AACS: variants seen among roughly 807,000 people sequenced by gnomAD.
AACS encodes acetoacetate-CoA ligase.
AACS carries 69 observed loss-of-function variants against 83.1 expected under a neutral mutation model. That is an observed-to-expected ratio of 0.83 (90% CI 0.68 to 1.01). The LOEUF (loss-of-function observed/expected upper bound fraction) is 1.01, where lower values mean the gene tolerates loss of function less well. AACS is among the 50% of genes least tolerant of loss of function. The pLI is 0.00. For missense variants in AACS, 866 were observed against 882.2 expected, an observed-to-expected ratio of 0.98 and a Z score of 0.23; for synonymous variants, 333 against 343.4, an observed-to-expected ratio of 0.97 and a Z score of 0.33.
chr12:125,078,800 G>T (rs768372486), intron 3 of AACS, among the ~76,000 whole-genome samples: 4 of 118,862 alleles, frequency 3.4e-5, no homozygotes, highest in Non-Finnish European at 6.5e-5. Context: ...CAGCCTGGGC[G>T]ACAGAGCAAG....
chr12:125,097,195 CTT>C lies in AACS; in HGVS notation c.571-5482_571-5481del, dbSNP rs1453277391. ...ACTCCTGGGGGGCACCATTTTGGGG[CTT>C]TCTGCAACCACCTCTGTGTAGCAGT... On this transcript the variant is annotated intron_variant, in intron 5 of 17. Transcript: ENST00000316519. The surrounding 1 kb of genome is among the most constrained non-coding windows in gnomAD (Gnocchi z 4.3). 6.6e-6 allele frequency among the ~76,000 whole-genome samples: 1 copy of C among 152,052 alleles called. No individual in the cohort carries two copies. The highest frequency in any genetic ancestry group is 1.5e-5 in the Non-Finnish European group (1 of 68,006).
At chr12:125,115,006 G>C (rs1165594284) in intron 9 of AACS, among the ~76,000 whole-genome samples, 1 of 152,202 alleles carries the variant, frequency 6.6e-6, no homozygotes, top group Non-Finnish European at 1.5e-5. Flanking sequence ...ACTGTGGTGA[G>C]GGCTTCCCCA....
rs1361342628 is a variant in AACS at position 125,073,872 on chromosome 12, T to G, written c.134-4T>G. ...AAGGTTAATCTGAGCTATTTCATTT[T>G]TAGAGAGTTATGATGACTTGTACCA... On this transcript the variant is annotated splice_polypyrimidine_tract_variant and splice_region_variant and intron_variant, in intron 1 of 17. Coordinates refer to ENST00000316519, the MANE Select transcript of AACS (RefSeq NM_023928.5). The G allele has an allele frequency of 2.5e-6, 4 of 1,610,190 alleles. No homozygotes were observed. The highest frequency in any genetic ancestry group is 2.5e-6 in the Non-Finnish European group (3 of 1,177,806).
intron 9 of AACS, among the ~76,000 whole-genome samples, chr12:125,115,261 T>G (rs1048049142): frequency 3.2e-5 from 4 of 126,972 alleles, no homozygotes; most frequent in Non-Finnish European, 5.2e-5. Context: ...CTGTGCTGAG[T>G]TTTTTTTTTT....
intron 3 of AACS, among the ~76,000 whole-genome samples, chr12:125,084,561 G>A (rs887361778): frequency 6.8e-6 from 1 of 147,726 alleles, no homozygotes; most frequent in Non-Finnish European, 1.5e-5. Flanking sequence ...ACACCACCAC[G>A]CCTGGCTAGT....
intron 16 of AACS, among the ~76,000 whole-genome samples, chr12:125,135,120 A>G (rs1054394256): frequency 2.7e-5 from 4 of 149,096 alleles, no homozygotes; most frequent in Admixed American, 2.7e-4. Flanking sequence ...TGGGCTGGTT[A>G]CTTGTGTCTA....
chr12:125,070,019 C>A (rs1342549448), intron 1 of AACS, among the ~76,000 whole-genome samples: 3 of 152,136 alleles, frequency 2.0e-5, no homozygotes, highest in African/African-American at 7.2e-5. Context: ...GGATTTATTC[C>A]TTGTCTATGA....
intron 3 of AACS, chr12:125,078,298 C>T (rs546030212): frequency 5.9e-4 from 271 of 456,088 alleles, no homozygotes; most frequent in Non-Finnish European, 1.1e-3. Context: ...ATTTTCAAAG[C>T]CCATGGGCAC....
rs1173930429 is a variant in AACS, at chr12:125,129,750, T to A, written c.1549+290T>A. Among the ~76,000 whole-genome samples, 1 of 152,202 alleles carries A rather than the reference T, an allele frequency of 6.6e-6. No individual in the cohort carries two copies. The highest frequency in any genetic ancestry group is 1.5e-5 in the Non-Finnish European group (1 of 68,040). On this transcript the variant is annotated intron_variant, in intron 14 of 17. Coordinates refer to ENST00000316519, the MANE Select transcript of AACS (RefSeq NM_023928.5). The surrounding 1 kb of genome is among the most constrained non-coding windows in gnomAD (Gnocchi z 4.3). ...CTGCTGCTGGGAGCTGGCACGAGCC[T>A]CTGGTTTGCATGTGGGAGGGTGGAG...
At chr12:125,110,100 A>G (rs770491600) in intron 8 of AACS, among the ~76,000 whole-genome samples, 2 of 150,368 alleles carry the variant, frequency 1.3e-5, no homozygotes, top group Non-Finnish European at 3.0e-5. Flanking sequence ...GCTCACTGCA[A>G]CCTCTGCCTC....
At chr12:125,095,588 C>T (rs11611832) in intron 5 of AACS, among the ~76,000 whole-genome samples, 15,935 of 152,208 alleles carry the variant, frequency 0.1, 1,137 homozygotes, top group Non-Finnish European at 0.15. Flanking sequence ...CCCCACTCCA[C>T]CTGCCCCTGG....
chr12:125,112,689 A>AAAAAAAAAG (rs1363645484), intron 8 of AACS, among the ~76,000 whole-genome samples: 3 of 151,710 alleles, frequency 2.0e-5, no homozygotes, highest in Non-Finnish European at 4.4e-5. Context: ...AAAAAAAAAA[A>AAAAAAAAAG]AAGACATACT....
At chr12:125,135,549 A>G (rs1957389794) in intron 16 of AACS, among the ~76,000 whole-genome samples, 1 of 152,148 alleles carries the variant, frequency 6.6e-6, no homozygotes, top group Non-Finnish European at 1.5e-5. Context: ...TGGGCCTTCA[A>G]ACTTCCCAGC....
At chr12:125,134,900 A>C (rs375115165) in intron 16 of AACS, 48 bp downstream of exon 16, 1 of 1,609,804 alleles carries the variant, frequency 6.2e-7, no homozygotes, top group Non-Finnish European at 8.5e-7. Flanking sequence ...AGGAAGGAGG[A>C]GGGTCCTGGC....
At chr12:125,128,015 A>G in intron 12 of AACS, 146 bp from the exon 13 acceptor site, 1 of 525,134 alleles carries the variant, frequency 1.9e-6, no homozygotes. Context: ...CCCTGAAGAG[A>G]AGCCCCACCT....
At chr12:125,074,557 G>A (rs12827753) in intron 2 of AACS, among the ~76,000 whole-genome samples, 27,936 of 151,460 alleles carry the variant, frequency 0.18, 2,893 homozygotes, top group African/African-American at 0.29. Context: ...AAAAAAAAAG[G>A]TTTAATTATG....
At chr12:125,073,541 G>T (rs1167305280) in intron 1 of AACS, among the ~76,000 whole-genome samples, 2 of 152,172 alleles carry the variant, frequency 1.3e-5, no homozygotes, top group East Asian at 3.9e-4. Context: ...TCCCCATTTT[G>T]CACTTGCCTG....
chr12:125,084,358 T>TCTCC (rs1473449354), intron 3 of AACS, among the ~76,000 whole-genome samples: 1 of 151,720 alleles, frequency 6.6e-6, no homozygotes, highest in Non-Finnish European at 1.5e-5. Flanking sequence ...ATGTAACATT[T>TCTCC]CTCCCTCCCT....
intron 1 of AACS, among the ~76,000 whole-genome samples, chr12:125,071,156 A>G (rs1311930950): frequency 1.3e-5 from 2 of 152,312 alleles, no homozygotes; most frequent in Admixed American, 6.5e-5. Flanking sequence ...AAGGTAGTGC[A>G]GGAGACATCT....
Sources: allele counts gnomAD v4.1 joint callset (sites outside exome capture counted in the v4.1 genomes callset), GRCh38; gene constraint gnomAD v4.1.1; non-coding constraint Gnocchi (gnomAD v3.1); transcripts MANE v1.5; gene names NCBI Gene and HGNC (gene_info 2026-07-23, HGNC 2026-07-21).